LNX1: variants seen among roughly 807,000 people sequenced by gnomAD.
The protein encoded by LNX1 is E3 ubiquitin-protein ligase LNX.
In LNX1, 54 loss-of-function variants were observed where a neutral mutation model predicts 68.4. That is an observed-to-expected ratio of 0.79 (90% CI 0.63 to 0.99). LNX1 has a LOEUF of 0.99. Among genes scored for constraint, LNX1 ranks in the 50% least tolerant of loss-of-function variants. The pLI is 0.00. For missense variants in LNX1, 906 were observed against 926.4 expected (o/e 0.98, Z 0.29); for synonymous variants, 336 against 350.0 (o/e 0.96, Z 0.45).
At chr4:53,511,874 G>A (rs1428215653) in intron 2 of LNX1, among the ~76,000 whole-genome samples, 1 of 152,136 alleles carries the variant, frequency 6.6e-6, no homozygotes, top group African/African-American at 2.4e-5. Flanking sequence ...TTCTGATGCT[G>A]AACTTACCCA....
intron 2 of LNX1, among the ~76,000 whole-genome samples, chr4:53,551,101 GT>G (rs1414155199): frequency 6.6e-6 from 1 of 152,104 alleles, no homozygotes; most frequent in Non-Finnish European, 1.5e-5. Context: ...GGAATCCTTG[GT>G]TCTAAGAGCT....
chr4:53,630,886 G>T (rs923117142), intron 1 of LNX1, among the ~76,000 whole-genome samples: 1 of 152,194 alleles, frequency 6.6e-6, no homozygotes, highest in African/African-American at 2.4e-5. Flanking sequence ...AGAAACAATT[G>T]CATCAGCTTT....
intron 2 of LNX1, among the ~76,000 whole-genome samples, chr4:53,555,474 C>T (rs1729844167): frequency 1.3e-5 from 2 of 152,188 alleles, no homozygotes; most frequent in South Asian, 4.1e-4. Context: ...AACTTACTAC[C>T]TACTCTACTT....
Position 53,507,448 on chromosome 4 carries a change from G to A in LNX1, c.644C>T (p.Thr215Ile). 4 of 1,614,068 alleles carry A rather than the reference G, an allele frequency of 2.5e-6. No homozygotes were observed. The highest frequency in any genetic ancestry group is 2.5e-6 in the Non-Finnish European group (3 of 1,179,974). The part of the protein sequence containing the change: ...RTRARPFERS[T>I]IRSRSFKKIN... ...TTTTTTAAATGATCTGCTTCTAATA[G>A]TGGATCTCTCAAAGGGCCGTGCTGA... is the stretch of plus-strand genomic sequence containing the variant. Residue 215 changes from threonine to isoleucine, a missense_variant, in exon 4 of 11, where the codon ACT (threonine) becomes ATT (isoleucine). Transcript: ENST00000263925.
intron 1 of LNX1, among the ~76,000 whole-genome samples, chr4:53,649,998 A>G (rs1004371511): frequency 6.6e-6 from 1 of 152,214 alleles, no homozygotes; most frequent in Admixed American, 6.5e-5. Flanking sequence ...GGACTGCCCA[A>G]ATAGTAGTTT....
intron 9 of LNX1, among the ~76,000 whole-genome samples, chr4:53,467,500 C>CAAAGCTG (rs1722777018): frequency 6.6e-6 from 1 of 152,120 alleles, no homozygotes; most frequent in African/African-American, 2.4e-5. Context: ...AGAATGACTT[C>CAAAGCTG]AACAAGTTGA....
chr4:53,583,607 T>C (rs879310025), intron 1 of LNX1, among the ~76,000 whole-genome samples: 7 of 151,320 alleles, frequency 4.6e-5, no homozygotes, highest in Non-Finnish European at 7.4e-5. Flanking sequence ...TGTCAAGAAA[T>C]TACAGGAGAA....
At chr4:53,607,790 CA>C (rs2109843822) in intron 2 of LNX1, among the ~76,000 whole-genome samples, 1 of 152,194 alleles carries the variant, frequency 6.6e-6, no homozygotes, top group Admixed American at 6.5e-5. Flanking sequence ...ACCAACAGAA[CA>C]GACAGCCCAG....
rs148640781 is a variant in LNX1 at position 53,522,498 on chromosome 4, A to T, written c.381-14271T>A. Among the ~76,000 whole-genome samples the T allele has an allele frequency of 1.6e-3, 244 of 152,258 alleles. 1 individual carries two copies. The highest frequency in any genetic ancestry group is 2.9e-3 in the Non-Finnish European group (199 of 68,010). On this transcript the variant is annotated intron_variant, in intron 2 of 10. Coordinates refer to ENST00000263925, the MANE Select transcript of LNX1 (RefSeq NM_001126328.3). Reference sequence around the variant, plus strand: ...ATGTCTATACTTGCTTAGTGCTGGGACCTTAGGGTTTTATTACATATTGAC... The same window carrying T: ...ATGTCTATACTTGCTTAGTGCTGGGTCCTTAGGGTTTTATTACATATTGAC...
intron 2 of LNX1, among the ~76,000 whole-genome samples, chr4:53,566,684 A>T (rs1253668608): frequency 1.3e-5 from 2 of 152,232 alleles, no homozygotes; most frequent in South Asian, 4.1e-4. Flanking sequence ...AAATGCTCCA[A>T]CTAAAAGACA....
intron 2 of LNX1, among the ~76,000 whole-genome samples, chr4:53,568,759 A>C (rs1441773695): frequency 1.3e-5 from 2 of 152,030 alleles, no homozygotes; most frequent in Non-Finnish European, 2.9e-5. Flanking sequence ...ATATCTAGAA[A>C]ACCCCATTGT....
chr4:53,463,675 T>C (rs923154046), intron 9 of LNX1, among the ~76,000 whole-genome samples: 2 of 152,102 alleles, frequency 1.3e-5, no homozygotes, highest in Non-Finnish European at 2.9e-5. Flanking sequence ...GCAAGGAGTT[T>C]GGTAGTTTTT....
chr4:53,538,638 C>G (rs1162864905), intron 2 of LNX1, among the ~76,000 whole-genome samples: 1 of 152,212 alleles, frequency 6.6e-6, no homozygotes, highest in Non-Finnish European at 1.5e-5. Context: ...GTTAAAAGCT[C>G]TTCCCCATGT....
chr4:53,523,847 T>C (rs1369615299), intron 2 of LNX1, among the ~76,000 whole-genome samples: 1 of 152,230 alleles, frequency 6.6e-6, no homozygotes, highest in Admixed American at 6.5e-5. Flanking sequence ...CCATTCACAC[T>C]GTCCCACCAT....
intron 6 of LNX1, among the ~76,000 whole-genome samples, chr4:53,484,993 A>C (rs1724192303): frequency 6.6e-6 from 1 of 152,220 alleles, no homozygotes; most frequent in African/African-American, 2.4e-5. Flanking sequence ...TCACATATAA[A>C]GCTTGTGTCT....
At chr4:53,573,503 GT>G (rs1192521983) in intron 2 of LNX1, 119 bp downstream of exon 2, 11 of 666,598 alleles carry the variant, frequency 1.7e-5, no homozygotes, top group Admixed American at 2.9e-5. Context: ...ACACCTAGCT[GT>G]TTTTTTATTT....
intron 2 of LNX1, among the ~76,000 whole-genome samples, chr4:53,533,890 G>C (rs764871336): frequency 1.3e-5 from 2 of 152,208 alleles, no homozygotes; most frequent in Admixed American, 6.5e-5. Context: ...CTGTGTTGTT[G>C]ACAAACTCTC....
At chr4:53,598,678 T>C (rs1040990734) in intron 2 of LNX1, among the ~76,000 whole-genome samples, 2 of 152,194 alleles carry the variant, frequency 1.3e-5, no homozygotes, top group Non-Finnish European at 2.9e-5. Flanking sequence ...TAAAGATGAA[T>C]GTAAGTCAAG....
rs150943057 is a variant in LNX1, at chr4:53,583,479, G to T, written c.-87+7909C>A. Among the ~76,000 whole-genome samples the T allele has an allele frequency of 1.5e-4, 23 of 152,210 alleles. No homozygotes were observed. In the East Asian group the frequency reaches 4.4e-3, roughly 29 times the overall value. On this transcript the variant is annotated intron_variant, in intron 1 of 10. Coordinates refer to ENST00000263925, the MANE Select transcript of LNX1 (RefSeq NM_001126328.3). ...ATTTCTAAATCAATGATCTCGAAGAGGGACTAAGCCACTCATTAATGAATC... is the reference window on the plus strand; with the variant it reads ...ATTTCTAAATCAATGATCTCGAAGATGGACTAAGCCACTCATTAATGAATC...
Sources: gnomAD v4.1 joint callset for allele counts (sites outside exome capture counted in the v4.1 genomes callset) on GRCh38, gnomAD v4.1.1 for gene constraint, MANE v1.5 for transcripts, NCBI Gene and HGNC (gene_info 2026-07-23, HGNC 2026-07-21) for gene names.